The following HLA-DRB1 variants were observed in gnomAD, a reference collection of about 807,000 sequenced individuals.
HLA-DRB1 encodes the protein major histocompatibility complex, class II, DR beta 1.
HLA-DRB1 carries 10 observed loss-of-function variants against 27.9 expected under a neutral mutation model. The ratio of observed to expected loss-of-function variants is 0.36; its 90% CI spans 0.22 to 0.61. The LOEUF is 0.61. HLA-DRB1 is among the 20% of genes least tolerant of loss of function. The pLI is 0.73. For synonymous variants in HLA-DRB1, 57 were observed against 126.7 expected, an observed-to-expected ratio of 0.45 and a Z score of 3.69; for missense variants, 118 against 306.3, an observed-to-expected ratio of 0.39 and a Z score of 4.59.
intron 1 of HLA-DRB1, among the ~76,000 whole-genome samples, chr6:32,586,343 G>GCCA: frequency 1.1e-5 from 1 of 92,852 alleles, no homozygotes. Flanking sequence ...TTCCTACCTG[G>GCCA]ATGCTCCATT....
chr6:32,588,007 G>A (rs9270178), intron 1 of HLA-DRB1, among the ~76,000 whole-genome samples: 5,095 of 123,040 alleles, frequency 0.041, 102 homozygotes, highest in Middle Eastern at 0.09. Context: ...AGGGGCTCAA[G>A]CTCCAGCACT....
rs12110879 is a variant in HLA-DRB1, at chr6:32,580,535, C to T, written c.763+211G>A. ...AAACCAAAGGACCCCTACTTGTTAA[C>T]CTTCCTCTCGTCTCTGCAGGCCACA... On this transcript the variant is annotated intron_variant, in intron 4 of 5. Coordinates refer to ENST00000360004, the Ensembl canonical transcript of HLA-DRB1. Among the ~76,000 whole-genome samples the T allele has an allele frequency of 1.5e-3, 169 of 109,198 alleles. 1 individual carries two copies. Among genetic ancestry groups the T allele is most frequent in the Middle Eastern group, 4.5e-3 (1 of 224 alleles). The allele number at this position is 109,198 out of a possible 152,430, so 71.6% of individuals were successfully genotyped here. A position where few individuals can be genotyped will look rare whatever the true frequency, so the allele number is the denominator to read the frequency against.
At chr6:32,588,900 C>A (rs13212371) in intron 1 of HLA-DRB1, among the ~76,000 whole-genome samples, 8 of 124,906 alleles carry the variant, frequency 6.4e-5, no homozygotes, top group South Asian at 2.7e-4. Context: ...AAAAAAGATT[C>A]ATAATGAACA....
chr6:32,581,624 T>C (rs701831), exon 3 of HLA-DRB1: 646,675 of 1,014,598 alleles, frequency 0.64, 211,385 homozygotes, highest in Middle Eastern at 0.67. Context: ...CCTCTCCACT[T>C]CGAGGAACTG....
rs35445101 is a variant in HLA-DRB1, at chr6:32,579,102, A to G, written c.790T>C (p.Phe264Leu). The G allele has an allele frequency of 4.7e-3, 4,217 of 893,510 alleles. 181 individuals carry two copies. The highest frequency in any genetic ancestry group is 0.012 in the Admixed American group (276 of 22,492). 55.3% of individuals were successfully genotyped at this position (893,510 alleles called of 1,614,324 possible). A position where few individuals can be genotyped will look rare whatever the true frequency, so the allele number is the denominator to read the frequency against. Residue 264 changes from phenylalanine (F) to leucine (L), a missense_variant and splice_region_variant, in exon 6 of 6, where the codon TTC becomes CTC. Phe to Leu is a conservative substitution (Grantham distance 22). Around this residue, in one of 5 missense-constraint regions of HLA-DRB1, gnomAD observed 3 missense variants for 23.0 expected, o/e 0.13. Transcript: ENST00000360004. ...TGGTCATCTGCATTTCAGCTCAGGAATCCTGCAAAAGACAGAGGAGAGTGT... is the reference window on the plus strand; with the variant it reads ...TGGTCATCTGCATTTCAGCTCAGGAGTCCTGCAAAAGACAGAGGAGAGTGT...
At chr6:32,589,251 A>T in intron 1 of HLA-DRB1, among the ~76,000 whole-genome samples, 1 of 144,486 alleles carries the variant, frequency 6.9e-6, no homozygotes, top group East Asian at 2.1e-4. Flanking sequence ...AGACCCTTTG[A>T]ATTCCCTTGA....
chr6:32,582,514 A>G (rs575203325), intron 2 of HLA-DRB1, among the ~76,000 whole-genome samples: 1,755 of 87,582 alleles, frequency 0.02, 122 homozygotes, highest in South Asian at 0.063. Context: ...TTTTAGGAAT[A>G]CTACTCCCAT....
intron 1 of HLA-DRB1, among the ~76,000 whole-genome samples, chr6:32,585,911 T>A (rs9283900): frequency 0.39 from 45,211 of 117,300 alleles, 10,213 homozygotes; most frequent in Middle Eastern, 0.53. Flanking sequence ...AATTGAATAC[T>A]GAAATTCATA....
chr6:32,586,244 A>C (rs9270064), intron 1 of HLA-DRB1, among the ~76,000 whole-genome samples: 24,360 of 58,146 alleles, frequency 0.42, 7,111 homozygotes, highest in Middle Eastern at 0.6. Flanking sequence ...GAACCCAGAG[A>C]ACAATCCTTC....
chr6:32,578,919 G>A (rs3208409), exon 6 of HLA-DRB1: 9,669 of 432,832 alleles, frequency 0.022, 915 homozygotes, highest in Admixed American at 0.039. Flanking sequence ...TTCAGGCCAA[G>A]GGCAGGAGCT....
chr6:32,587,860 T>C, intron 1 of HLA-DRB1, among the ~76,000 whole-genome samples: 1 of 147,842 alleles, frequency 6.8e-6, no homozygotes, highest in African/African-American at 2.5e-5. Context: ...AGGGACGCTC[T>C]CTAACTTAAT....
chr6:32,581,042 C>G (rs1846189), intron 3 of HLA-DRB1, among the ~76,000 whole-genome samples, 186 bp from the exon 4 acceptor site: 34 of 90,230 alleles, frequency 3.8e-4, no homozygotes, highest in Middle Eastern at 5.0e-3. Context: ...AGACATCAAA[C>G]TCATTCAAAT....
rs772172351 is a variant in HLA-DRB1, at chr6:32,582,849, ACTCT to A, written c.371-1015_371-1012del. Among the ~76,000 whole-genome samples, 601 of 68,446 alleles carry A rather than the reference ACTCT, an allele frequency of 8.8e-3. 41 individuals carry two copies. In the East Asian group the frequency reaches 0.14, roughly 16 times the overall value. The allele number at this position is 68,446 out of a possible 152,430, so 44.9% of individuals were successfully genotyped here. A position where few individuals can be genotyped will look rare whatever the true frequency, so the allele number is the denominator to read the frequency against. ...CCAGGAAAATCCCCGACACTAGCAT[ACTCT>A]CAATAAATACAACTATTTTTTTAGA... On this transcript the variant is annotated intron_variant, in intron 2 of 5. Coordinates refer to ENST00000360004, the Ensembl canonical transcript of HLA-DRB1.
At chr6:32,589,322 G>C (rs9270262) in intron 1 of HLA-DRB1, among the ~76,000 whole-genome samples, 9 of 144,656 alleles carry the variant, frequency 6.2e-5, no homozygotes, top group South Asian at 2.3e-4. Flanking sequence ...ATAATAAAGG[G>C]AAGTGCTGTA....
At chr6:32,582,300 A>G (rs1473284860) in intron 2 of HLA-DRB1, among the ~76,000 whole-genome samples, 1 of 115,272 alleles carries the variant, frequency 8.7e-6, no homozygotes, top group Non-Finnish European at 1.8e-5. Flanking sequence ...CGTAAAATAT[A>G]TAAAACAATG....
At chr6:32,585,139 C>A (rs9270008) in intron 1 of HLA-DRB1, among the ~76,000 whole-genome samples, 45,812 of 79,158 alleles carry the variant, frequency 0.58, 15,435 homozygotes, top group Middle Eastern at 0.68. Context: ...TGAACACATG[C>A]CCAGATAGAC....
chr6:32,579,474 G>A (rs72847696), intron 5 of HLA-DRB1, among the ~76,000 whole-genome samples: 22,546 of 57,510 alleles, frequency 0.39, 9,781 homozygotes, highest in Admixed American at 0.43. Flanking sequence ...TCCAAAGAGT[G>A]GGCAGCAGCA....
intron 4 of HLA-DRB1, 69 bp downstream of exon 4, chr6:32,580,677 C>CCT (rs145774570): frequency 0.088 from 116,522 of 1,317,336 alleles, 11,920 homozygotes; most frequent in Non-Finnish European, 0.089. Context: ...TGAGAACTAA[C>CCT]CTCAGCAAAG....
chr6:32,584,707 CAAAGA>C (rs1776138987), intron 1 of HLA-DRB1, among the ~76,000 whole-genome samples: 2 of 98,996 alleles, frequency 2.0e-5, no homozygotes, highest in South Asian at 3.5e-4. Context: ...CTGGGAGCCC[CAAAGA>C]CACTCTCTGC....
Sources: allele counts gnomAD v4.1 joint callset (sites outside exome capture counted in the v4.1 genomes callset), GRCh38; gene constraint gnomAD v4.1.1; regional missense constraint gnomAD v4.1.1; transcripts MANE v1.5; gene names NCBI Gene and HGNC (gene_info 2026-07-23, HGNC 2026-07-21).